The following TENM2 variants were observed in gnomAD, a reference collection of about 807,000 sequenced individuals.
TENM2 encodes the protein teneurin transmembrane protein 2, also known as teneurin-2.
In TENM2, 52 loss-of-function variants were observed where a neutral mutation model predicts 245.2. The observed-to-expected ratio is 0.21, with a 90% CI of 0.17 to 0.27. TENM2 has a LOEUF of 0.27. Among genes scored for constraint, TENM2 ranks in the 10% least tolerant of loss-of-function variants. TENM2 has a pLI of 1.00. For missense variants in TENM2, 3,046 were observed against 3,666.8 expected (o/e 0.83, Z 4.37); for synonymous variants, 1,363 against 1,438.9 (o/e 0.95, Z 1.19).
chr5:167,255,793 G>T, the TENM2 span, among the ~76,000 whole-genome samples: 1 of 152,084 alleles, frequency 6.6e-6, no homozygotes, highest in Non-Finnish European at 1.5e-5. Flanking sequence ...AGTAGCTTTT[G>T]CAGTACATGT....
At chr5:167,701,893 C>G (rs1758166073) in intron 2 of TENM2, among the ~76,000 whole-genome samples, 1 of 152,144 alleles carries the variant, frequency 6.6e-6, no homozygotes, top group Admixed American at 6.5e-5. Flanking sequence ...TAAACTGGAA[C>G]TATACTAAAA....
chr5:167,824,897 TG>T (rs1345031426), intron 2 of TENM2, among the ~76,000 whole-genome samples: 1 of 152,324 alleles, frequency 6.6e-6, no homozygotes, highest in East Asian at 1.9e-4. Flanking sequence ...AGATGGAGTC[TG>T]GGGGCTACCA....
intron 2 of TENM2, among the ~76,000 whole-genome samples, chr5:167,641,256 G>T (rs1214432414): frequency 6.6e-6 from 1 of 151,926 alleles, no homozygotes; most frequent in Non-Finnish European, 1.5e-5. Flanking sequence ...AATACGTGTC[G>T]CCTACTTATT....
chr5:168,027,343 A>T (rs1786716758), intron 5 of TENM2, among the ~76,000 whole-genome samples: 1 of 152,160 alleles, frequency 6.6e-6, no homozygotes, highest in South Asian at 2.1e-4. Context: ...ATCCAAACAT[A>T]CTGCCCAGAA....
intron 5 of TENM2, among the ~76,000 whole-genome samples, chr5:168,036,445 T>C (rs2337117): frequency 0.018 from 2,725 of 151,956 alleles, 84 homozygotes; most frequent in African/African-American, 0.061. Flanking sequence ...GAGACCAGCC[T>C]GGCCAAATGG....
intron 3 of TENM2, among the ~76,000 whole-genome samples, chr5:167,926,023 T>G (rs2151666115): frequency 6.6e-6 from 1 of 152,196 alleles, no homozygotes; most frequent in Admixed American, 6.5e-5. Context: ...AACGCCTGGG[T>G]GATGAAATAA....
Position 168,216,931 on chromosome 5 carries a change from C to G in TENM2, c.4233+9C>G, listed in dbSNP as rs1304324520. Reference sequence around the variant, plus strand: ...GCATGGATGTAGCCCAGGTGAGACTCTTTCTTATTTCTCTTCACTAAGCAA... The same window carrying G: ...GCATGGATGTAGCCCAGGTGAGACTGTTTCTTATTTCTCTTCACTAAGCAA... On this transcript the variant is annotated intron_variant, in intron 22 of 28. Transcript: ENST00000518659. 6.8e-6 allele frequency: 11 copies of G among 1,613,174 alleles called. No homozygotes were observed. Among genetic ancestry groups the G allele is most frequent in the Non-Finnish European group, 9.3e-6 (11 of 1,179,714 alleles).
At chr5:167,682,895 T>A (rs1435037523) in intron 2 of TENM2, among the ~76,000 whole-genome samples, 1 of 152,140 alleles carries the variant, frequency 6.6e-6, no homozygotes, top group Non-Finnish European at 1.5e-5. Flanking sequence ...ACAGAATAAT[T>A]ATACTCAGGC....
chr5:168,126,360 G>T (rs1395472096), intron 11 of TENM2, among the ~76,000 whole-genome samples: 2 of 152,134 alleles, frequency 1.3e-5, no homozygotes, highest in East Asian at 3.9e-4. Context: ...TGCCAAACTG[G>T]TTGGAGTGGT....
chr5:167,776,593 G>GAAAAAAAAAAAAAA lies in TENM2; in HGVS notation c.503-99373_503-99360dup, dbSNP rs869252752. On this transcript the variant is annotated intron_variant, in intron 2 of 28. Coordinates refer to ENST00000518659, the Ensembl canonical transcript of TENM2. ...TTGGGCAGCAGATGAGACCCTGTCT[G>GAAAAAAAAAAAAAA]AAAAAAAAAAAAAAAAAAAAAAAAA... 1.2e-3 allele frequency among the ~76,000 whole-genome samples: 44 copies of GAAAAAAAAAAAAAA among 36,030 alleles called. 7 individuals are homozygous for GAAAAAAAAAAAAAA. Among genetic ancestry groups the GAAAAAAAAAAAAAA allele is most frequent in the African/African-American group, 2.0e-3 (23 of 11,440 alleles). 23.6% of individuals were successfully genotyped at this position (36,030 alleles called of 152,430 possible).
At chr5:168,026,760 G>T (rs953356855) in intron 5 of TENM2, among the ~76,000 whole-genome samples, 2 of 152,076 alleles carry the variant, frequency 1.3e-5, no homozygotes, top group Non-Finnish European at 2.9e-5. Context: ...GATAATTCTT[G>T]AATAGCCCTT....
chr5:167,751,728 G>T (rs1201572882), intron 2 of TENM2, among the ~76,000 whole-genome samples: 1 of 151,436 alleles, frequency 6.6e-6, no homozygotes, highest in Non-Finnish European at 1.5e-5. Flanking sequence ...CCACTGTTTT[G>T]GTTTTTTTTA....
intron 11 of TENM2, among the ~76,000 whole-genome samples, chr5:168,125,732 A>ATC (rs1795802118): frequency 6.6e-6 from 1 of 152,046 alleles, no homozygotes; most frequent in South Asian, 2.1e-4. Context: ...GAAAGAAATG[A>ATC]ATATTTCATT....
At chr5:167,600,879 A>G (rs1464578900) in intron 2 of TENM2, among the ~76,000 whole-genome samples, 1 of 152,256 alleles carries the variant, frequency 6.6e-6, no homozygotes, top group Non-Finnish European at 1.5e-5. Flanking sequence ...TTATCTTTAT[A>G]TATAACTAAA....
At chr5:167,534,633 G>C (rs1235306656) in intron 2 of TENM2, among the ~76,000 whole-genome samples, 1 of 152,176 alleles carries the variant, frequency 6.6e-6, no homozygotes, top group Non-Finnish European at 1.5e-5. Flanking sequence ...AGAACCATTT[G>C]AGTGGTATCT....
At chr5:168,200,939 G>A (rs999747840) in intron 17 of TENM2, among the ~76,000 whole-genome samples, 2 of 152,156 alleles carry the variant, frequency 1.3e-5, no homozygotes, top group African/African-American at 4.8e-5. Flanking sequence ...TACCAAAGTA[G>A]GAAACTAGCA....
the TENM2 span, among the ~76,000 whole-genome samples, chr5:167,012,479 T>C: frequency 2.0e-5 from 3 of 152,184 alleles, no homozygotes; most frequent in African/African-American, 7.2e-5. Flanking sequence ...GCACAGTGTG[T>C]GTAGACAGTA....
Position 168,239,749 on chromosome 5 carries a change from T to G in TENM2, c.5521-4671T>G, listed in dbSNP as rs1765919809. On this transcript the variant is annotated intron_variant, in intron 25 of 28. Transcript: ENST00000518659. ...TGTTGGTCTTTCCCATGATTACATA[T>G]TATAGTATATTATGCACACATATGT... is the stretch of plus-strand genomic sequence containing the variant. 2.0e-5 allele frequency among the ~76,000 whole-genome samples: 3 copies of G among 152,196 alleles called. 1 individual carries two copies. The South Asian group carries it at 6.2e-4, about 32-fold the overall frequency.
At chr5:167,996,608 C>A (rs1336778947) in intron 5 of TENM2, among the ~76,000 whole-genome samples, 2 of 152,154 alleles carry the variant, frequency 1.3e-5, no homozygotes, top group African/African-American at 4.8e-5. Flanking sequence ...TTATTACCAA[C>A]CTCACCTATT....
Sources: gnomAD v4.1 joint callset for allele counts (sites outside exome capture counted in the v4.1 genomes callset) on GRCh38, gnomAD v4.1.1 for gene constraint, MANE v1.5 for transcripts, NCBI Gene and HGNC (gene_info 2026-07-23, HGNC 2026-07-21) for gene names.